The following MYCN variants were observed in gnomAD, a reference collection of about 807,000 sequenced individuals.
The protein encoded by MYCN is N-myc proto-oncogene protein.
Under a neutral mutation model 28.1 loss-of-function variants are expected in MYCN, and 3 were observed. The ratio of observed to expected loss-of-function variants is 0.11; its 90% CI spans 0.05 to 0.28. The LOEUF is 0.28. MYCN is among the 10% of genes least tolerant of loss of function. MYCN has a pLI of 1.00. For missense variants in MYCN, 572 were observed against 651.4 expected (o/e 0.88, Z 1.33); for synonymous variants, 326 against 288.3 (o/e 1.13, Z -1.32).
Position 15,942,397 on chromosome 2 carries a change from C to G in MYCN, c.333C>G (p.Ile111Met). 1 of 1,606,318 alleles carries G rather than the reference C, an allele frequency of 6.2e-7. No individual in the cohort carries two copies. Among genetic ancestry groups the G allele is most frequent in the Non-Finnish European group, 8.5e-7 (1 of 1,177,930 alleles). Residue 111 changes from isoleucine (I) to methionine (M), a missense_variant, in exon 2 of 3, where the codon ATC (isoleucine) becomes ATG (methionine). Around this residue, in one of 3 missense-constraint regions of MYCN, gnomAD observed 499 missense variants for 524.3 expected, o/e 0.95. Transcript: ENST00000281043. This position sits in a 1 kb window ranked among gnomAD's most constrained non-coding sequence, Gnocchi z 7.0. ...GLGGLTPNPV[I>M]LQDCMWSGFS... ...GTGGCCTCACCCCCAACCCGGTCAT[C>G]CTCCAGGACTGCATGTGGAGCGGCT... is the stretch of plus-strand genomic sequence containing the variant.
rs747547602 is a variant in MYCN, at chr2:15,942,319, C to G, written c.255C>G (p.Asn85Lys). 8.7e-6 allele frequency: 14 copies of G among 1,608,904 alleles called. No homozygotes were observed. The Admixed American group carries it at 2.4e-4, about 27-fold the overall frequency. The change falls in exon 2 of 3, where the codon AAC becomes AAG. Residue 85 changes from asparagine to lysine, a missense_variant. Physicochemically the swap from Asn to Lys is moderately conservative, Grantham distance 94 (BLOSUM62 0). Coordinates refer to ENST00000281043, the MANE Select transcript of MYCN (RefSeq NM_005378.6). The surrounding 1 kb of genome is among the most constrained non-coding windows in gnomAD (Gnocchi z 7.0). ...PSWVTEMLLE[N>K]ELWGSPAEED... Reference sequence around the variant, plus strand: ...GGGTCACGGAGATGCTGCTTGAGAACGAGCTGTGGGGCAGCCCGGCCGAGG... The same window carrying G: ...GGGTCACGGAGATGCTGCTTGAGAAGGAGCTGTGGGGCAGCCCGGCCGAGG...
Position 15,946,824 on chromosome 2 carries a change from T to C in MYCN, c.*727T>C, listed in dbSNP as rs777015170. 17 of 220,314 alleles carry C rather than the reference T, an allele frequency of 7.7e-5. No homozygotes were observed. Among genetic ancestry groups the C allele is most frequent in the Non-Finnish European group, 1.4e-4 (15 of 109,832 alleles). 13.6% of individuals were successfully genotyped at this position (220,314 alleles called of 1,614,324 possible). A position where few individuals can be genotyped will look rare whatever the true frequency, so the allele number is the denominator to read the frequency against. The stretch of plus-strand genomic sequence containing the variant: ...AACTTTTGTAAAGAAATTTACTATA[T>C]ATATATGCCTTTTTCCTAGCCTGTT... On this transcript the variant is annotated 3_prime_UTR_variant, in exon 3 of 3. Coordinates refer to ENST00000281043, the MANE Select transcript of MYCN (RefSeq NM_005378.6).
Position 15,942,361 on chromosome 2 carries a change from G to T in MYCN, c.297G>T (p.Leu99=), listed in dbSNP as rs1348364219. Residue 99 remains leucine (L), a synonymous_variant, in exon 2 of 3, where the codon CTG becomes CTT. Transcript: ENST00000281043. This position sits in a 1 kb window ranked among gnomAD's most constrained non-coding sequence, Gnocchi z 7.0. The stretch of plus-strand genomic sequence containing the variant: ...CGGCCGAGGAGGACGCGTTCGGCCT[G>T]GGGGGACTGGGTGGCCTCACCCCCA... ...GSPAEEDAFG[L]GGLGGLTPNP... 5.0e-6 allele frequency: 8 copies of T among 1,606,352 alleles called. No homozygotes were observed. Among genetic ancestry groups the T allele is most frequent in the East Asian group, 2.2e-5 (1 of 44,614 alleles).
chr2:15,942,466 G>T lies in MYCN; in HGVS notation c.402G>T (p.Leu134=). ...EKLERAVSEK[L]QHGRGPPTAG... ...TGGAGCGCGCCGTGAGCGAGAAGCT[G>T]CAGCACGGCCGCGGGCCGCCAACCG... The change falls in exon 2 of 3, where the codon CTG becomes CTT. Residue 134 remains leucine (L), a synonymous_variant. Transcript: ENST00000281043. This position sits in a 1 kb window ranked among gnomAD's most constrained non-coding sequence, Gnocchi z 7.0. 1.3e-6 allele frequency: 2 copies of T among 1,583,530 alleles called. No homozygotes were observed. Among genetic ancestry groups the T allele is most frequent in the Non-Finnish European group, 8.5e-7 (1 of 1,171,298 alleles).
chr2:15,943,184 T>G (rs140724290), intron 2 of MYCN, among the ~76,000 whole-genome samples: 94 of 152,106 alleles, frequency 6.2e-4, no homozygotes, highest in African/African-American at 2.2e-3. Flanking sequence ...TGGAGAAAGT[T>G]GGTGGCTAAA....
chr2:15,946,364 G>A lies in MYCN; in HGVS notation c.*267G>A. On this transcript the variant is annotated 3_prime_UTR_variant, in exon 3 of 3. Coordinates refer to ENST00000281043, the MANE Select transcript of MYCN (RefSeq NM_005378.6). ...GTTGGTGACGGTTGGGAGCCTCTGG[G>A]GCTGTTGAAGTCACCTTGTGTGTTC... 1.9e-6 allele frequency: 1 copy of A among 527,728 alleles called. No individual in the cohort carries two copies. Among genetic ancestry groups the A allele is most frequent in the Non-Finnish European group, 3.4e-6 (1 of 291,880 alleles). The allele number at this position is 527,728 out of a possible 1,614,324, so 32.7% of individuals were successfully genotyped here.
Position 15,946,688 on chromosome 2 carries a change from ATACTT to A in MYCN, c.*594_*598del. ...CTGTACTAATTCTTACACTGCCTGT[ATACTT>A]TAGTATGACGCTGATACATAACTAA... On this transcript the variant is annotated 3_prime_UTR_variant, in exon 3 of 3. Coordinates refer to ENST00000281043, the MANE Select transcript of MYCN (RefSeq NM_005378.6). 1 of 234,558 alleles carries A rather than the reference ATACTT, an allele frequency of 4.3e-6. No individual in the cohort carries two copies. 14.5% of individuals were successfully genotyped at this position (234,558 alleles called of 1,614,324 possible). A position where few individuals can be genotyped will look rare whatever the true frequency, so the allele number is the denominator to read the frequency against.
Position 15,944,757 on chromosome 2 carries a change from A to G in MYCN, c.791-736A>G, listed in dbSNP as rs115776793. ...TCTACATGTTATCTGTCAAAGTGGT[A>G]TCATCCCCATTTAATAGCTGAGGAA... On this transcript the variant is annotated intron_variant, in intron 2 of 2. Transcript: ENST00000281043. 8.5e-3 allele frequency among the ~76,000 whole-genome samples: 1,293 copies of G among 152,256 alleles called. 12 individuals are homozygous for G. Among genetic ancestry groups the G allele is most frequent in the Non-Finnish European group, 0.014 (980 of 68,018 alleles).
Position 15,942,234 on chromosome 2 carries a change from C to T in MYCN, c.170C>T (p.Pro57Leu). ...ATCTGGAAGAAGTTTGAGCTGCTGC[C>T]CACGCCCCCGCTGTCGCCCAGCCGT... The part of the protein sequence containing the change: ...EDIWKKFELL[P>L]TPPLSPSRGF... Residue 57 changes from proline (P) to leucine (L), a missense_variant, in exon 2 of 3, where the codon CCC (proline) becomes CTC (leucine). This residue lies in a region of MYCN where 499 missense variants were observed against 524.3 expected (regional missense o/e 0.95). Transcript: ENST00000281043. The surrounding 1 kb of genome is among the most constrained non-coding windows in gnomAD (Gnocchi z 7.0). The T allele has an allele frequency of 6.2e-7, 1 of 1,613,096 alleles. No homozygotes were observed. Among genetic ancestry groups the T allele is most frequent in the South Asian group, 1.1e-5 (1 of 91,076 alleles).
rs1267818917 is a variant in MYCN, at chr2:15,942,965, C to T, written c.790+111C>T. ...CCTGGGGAGCATTTTGGAGGCAGTG[C>T]TAGGGGCAGAGAGGTCCTGTTTCCC... On this transcript the variant is annotated intron_variant, in intron 2 of 2. Transcript: ENST00000281043. The surrounding 1 kb of genome is among the most constrained non-coding windows in gnomAD (Gnocchi z 7.0). The T allele has an allele frequency of 2.2e-6, 3 of 1,365,910 alleles. No homozygotes were observed. The South Asian group carries it at 4.1e-5, about 18-fold the overall frequency. The allele number at this position is 1,365,910 out of a possible 1,614,324, so 84.6% of individuals were successfully genotyped here.
chr2:15,940,947 C>T (rs1662632246), intron 1 of MYCN: 2 of 395,432 alleles, frequency 5.1e-6, no homozygotes, highest in Non-Finnish European at 8.9e-6. Context: ...TAGAGGAGAC[C>T]CGCCCTAATC....
In MYCN at chr2:15,946,306, C is replaced by T; in HGVS notation, c.*209C>T. 2 of 649,216 alleles carry T rather than the reference C, an allele frequency of 3.1e-6. No individual in the cohort carries two copies. The highest frequency in any genetic ancestry group is 5.3e-6 in the Non-Finnish European group (2 of 376,786). The allele number at this position is 649,216 out of a possible 1,614,324, so 40.2% of individuals were successfully genotyped here. On this transcript the variant is annotated 3_prime_UTR_variant, in exon 3 of 3. Transcript: ENST00000281043. ...CCAGGATGCTGGGTGGCCCTGCAGC[C>T]TCCTCCACCTCACCTCCATGACAGC... is the stretch of plus-strand genomic sequence containing the variant.
Position 15,945,808 on chromosome 2 carries a change from G to A in MYCN, c.1106G>A (p.Ser369Asn). 2 of 1,614,048 alleles carry A rather than the reference G, an allele frequency of 1.2e-6. No homozygotes were observed. The highest frequency in any genetic ancestry group is 1.7e-6 in the Non-Finnish European group (2 of 1,180,040). ...LKSVIPPKAK[S>N]LSPRNSDSED... Reference sequence around the variant, plus strand: ...AGTGTCATCCCCCCAAAGGCTAAGAGCTTGAGCCCCCGAAACTCTGACTCG... The same window carrying A: ...AGTGTCATCCCCCCAAAGGCTAAGAACTTGAGCCCCCGAAACTCTGACTCG... The change falls in exon 3 of 3, where the codon AGC becomes AAC. Residue 369 changes from serine (S) to asparagine (N), a missense_variant. By Grantham distance (46) the Ser-to-Asn change is conservative. Around this residue, in one of 3 missense-constraint regions of MYCN, gnomAD observed 499 missense variants for 524.3 expected, o/e 0.95. Coordinates refer to ENST00000281043, the MANE Select transcript of MYCN (RefSeq NM_005378.6). The surrounding 1 kb of genome is among the most constrained non-coding windows in gnomAD (Gnocchi z 4.8).
chr2:15,941,580 G>C lies in MYCN; in HGVS notation c.-117-368G>C. The C allele has an allele frequency of 4.8e-6, 1 of 206,476 alleles. No individual in the cohort carries two copies. Among genetic ancestry groups the C allele is most frequent in the Non-Finnish European group, 1.0e-5 (1 of 100,424 alleles). The allele number at this position is 206,476 out of a possible 1,614,324, so 12.8% of individuals were successfully genotyped here. On this transcript the variant is annotated intron_variant, in intron 1 of 2. Transcript: ENST00000281043. The surrounding 1 kb of genome is among the most constrained non-coding windows in gnomAD (Gnocchi z 4.8). ...AGCCTGGGGCTTCCCCTGAGCAGCC[G>C]GCCCCACACCGCTGCGAGTGCGGTT... is the stretch of plus-strand genomic sequence containing the variant.
In MYCN at chr2:15,942,553, C is replaced by A. The variant is rs987411324; in HGVS notation, c.489C>A (p.Gly163=). ...GAASPAGRGH[G]GAAGAGRAGA... ...CCAGCCCTGCGGGTCGCGGGCACGG[C>A]GGGGCTGCGGGAGCCGGCCGCGCCG... Residue 163 remains glycine, a synonymous_variant, in exon 2 of 3, where the codon GGC becomes GGA. Coordinates refer to ENST00000281043, the MANE Select transcript of MYCN (RefSeq NM_005378.6). This position sits in a 1 kb window ranked among gnomAD's most constrained non-coding sequence, Gnocchi z 7.0. The A allele has an allele frequency of 1.2e-5, 14 of 1,182,998 alleles. No homozygotes were observed. In the African/African-American group the frequency reaches 2.3e-4, roughly 19 times the overall value. 73.3% of individuals were successfully genotyped at this position (1,182,998 alleles called of 1,614,324 possible). A position where few individuals can be genotyped will look rare whatever the true frequency, so the allele number is the denominator to read the frequency against.
In MYCN at chr2:15,945,434, T is replaced by C; in HGVS notation, c.791-59T>C. The C allele has an allele frequency of 1.9e-6, 3 of 1,539,886 alleles. No individual in the cohort carries two copies. The highest frequency in any genetic ancestry group is 2.6e-6 in the Non-Finnish European group (3 of 1,135,998). On this transcript the variant is annotated intron_variant, in intron 2 of 2. Transcript: ENST00000281043. The surrounding 1 kb of genome is among the most constrained non-coding windows in gnomAD (Gnocchi z 4.8). ...ATAAGCATACATATTAACATGGATA[T>C]ATATGTGAATTTCATTCAAATGGTT...
In MYCN at chr2:15,946,553, CTTT is replaced by C. The variant is rs1662879783; in HGVS notation, c.*458_*460del. Reference sequence around the variant, plus strand: ...ATACATCCTGGGTAATGAGAGGTGGCTTTTGCGGCCAGTATTAGACTGGAAGTT... The same window carrying C: ...ATACATCCTGGGTAATGAGAGGTGGCTGCGGCCAGTATTAGACTGGAAGTT... On this transcript the variant is annotated 3_prime_UTR_variant, in exon 3 of 3. Coordinates refer to ENST00000281043, the MANE Select transcript of MYCN (RefSeq NM_005378.6). 2.9e-6 allele frequency: 1 copy of C among 340,694 alleles called. No homozygotes were observed. The highest frequency in any genetic ancestry group is 4.5e-5 in the Admixed American group (1 of 22,164). 21.1% of individuals were successfully genotyped at this position (340,694 alleles called of 1,614,324 possible). A position where few individuals can be genotyped will look rare whatever the true frequency, so the allele number is the denominator to read the frequency against.
In MYCN at chr2:15,942,551, G is replaced by A; in HGVS notation, c.487G>A (p.Gly163Ser). ...GAASPAGRGH[G>S]GAAGAGRAGA... ...CGCCAGCCCTGCGGGTCGCGGGCAC[G>A]GCGGGGCTGCGGGAGCCGGCCGCGC... is the stretch of plus-strand genomic sequence containing the variant. Residue 163 changes from glycine (G) to serine (S), a missense_variant, in exon 2 of 3, where the codon GGC becomes AGC. By Grantham distance (56) the Gly-to-Ser change is moderately conservative. Transcript: ENST00000281043. This position sits in a 1 kb window ranked among gnomAD's most constrained non-coding sequence, Gnocchi z 7.0. The A allele has an allele frequency of 2.5e-6, 3 of 1,204,352 alleles. No individual in the cohort carries two copies. Among genetic ancestry groups the A allele is most frequent in the African/African-American group, 1.6e-5 (1 of 62,748 alleles). The allele number at this position is 1,204,352 out of a possible 1,614,324, so 74.6% of individuals were successfully genotyped here. A position where few individuals can be genotyped will look rare whatever the true frequency, so the allele number is the denominator to read the frequency against.
chr2:15,942,334 C>T lies in MYCN; in HGVS notation c.270C>T (p.Ser90=), dbSNP rs772714029. 1.2e-6 allele frequency: 2 copies of T among 1,607,036 alleles called. No homozygotes were observed. The highest frequency in any genetic ancestry group is 1.7e-6 in the Non-Finnish European group (2 of 1,177,656). Residue 90 remains serine, a synonymous_variant, in exon 2 of 3, where the codon AGC becomes AGT. Coordinates refer to ENST00000281043, the MANE Select transcript of MYCN (RefSeq NM_005378.6). This position sits in a 1 kb window ranked among gnomAD's most constrained non-coding sequence, Gnocchi z 7.0. ...EMLLENELWG[S]PAEEDAFGLG... Reference sequence around the variant, plus strand: ...TGCTTGAGAACGAGCTGTGGGGCAGCCCGGCCGAGGAGGACGCGTTCGGCC... The same window carrying T: ...TGCTTGAGAACGAGCTGTGGGGCAGTCCGGCCGAGGAGGACGCGTTCGGCC...
Sources: allele counts gnomAD v4.1 joint callset (sites outside exome capture counted in the v4.1 genomes callset), GRCh38; gene constraint gnomAD v4.1.1; regional missense constraint gnomAD v4.1.1; non-coding constraint Gnocchi (gnomAD v3.1); transcripts MANE v1.5; gene names NCBI Gene and HGNC (gene_info 2026-07-23, HGNC 2026-07-21).